The following FAR1 variants were observed in gnomAD, a reference collection of about 807,000 sequenced individuals.
The protein encoded by FAR1 is fatty acyl-CoA reductase 1.
A neutral mutation model predicts 61.1 loss-of-function variants in FAR1; 22 were observed. The observed-to-expected ratio is 0.36, with a 90% CI of 0.26 to 0.51. The LOEUF is 0.51. Among genes scored for constraint, FAR1 ranks in the 20% least tolerant of loss-of-function variants. The pLI, the probability that FAR1 is intolerant of heterozygous loss-of-function variation, is 0.95. For missense variants in FAR1, 359 were observed against 626.9 expected (o/e 0.57, Z 4.56); for synonymous variants, 206 against 209.7 (o/e 0.98, Z 0.15).
intron 11 of FAR1, among the ~76,000 whole-genome samples, 185 bp from the exon 12 acceptor site, chr11:13,728,427 G>T (rs759659949): frequency 2.6e-5 from 4 of 151,846 alleles, no homozygotes; most frequent in African/African-American, 7.2e-5. Flanking sequence ...TTTTAGATTA[G>T]ATGGGAAGCT....
intron 2 of FAR1, among the ~76,000 whole-genome samples, chr11:13,695,297 C>T (rs1488312103): frequency 6.6e-6 from 1 of 152,050 alleles, no homozygotes; most frequent in Non-Finnish European, 1.5e-5. Context: ...GGTAGTGAGA[C>T]TACCTACTAT....
chr11:13,693,402 T>C (rs1473939692), intron 1 of FAR1, among the ~76,000 whole-genome samples: 1 of 152,212 alleles, frequency 6.6e-6, no homozygotes, highest in Non-Finnish European at 1.5e-5. Context: ...CACTGCCTCC[T>C]CCACCTTCGT....
Position 13,726,245 on chromosome 11 carries a change from C to T in FAR1, c.1258-1311C>T, listed in dbSNP as rs555297761. Among the ~76,000 whole-genome samples the T allele has an allele frequency of 1.6e-3, 242 of 152,088 alleles. 1 individual carries two copies. The highest frequency in any genetic ancestry group is 4.4e-3 in the African/African-American group (182 of 41,528). On this transcript the variant is annotated intron_variant, in intron 10 of 11. Coordinates refer to ENST00000354817, the MANE Select transcript of FAR1 (RefSeq NM_032228.6). ...GCAGCTTATGCAATAAATATTCATA[C>T]AGATTTACCAGCGTAACTGTCCTTT...
At chr11:13,676,642 C>T (rs1477395481) in intron 1 of FAR1, among the ~76,000 whole-genome samples, 2 of 152,048 alleles carry the variant, frequency 1.3e-5, no homozygotes, top group Non-Finnish European at 2.9e-5. Flanking sequence ...GTTTTAAAAA[C>T]TTGTGGATTG....
intron 1 of FAR1, among the ~76,000 whole-genome samples, chr11:13,682,104 C>A (rs1848133790): frequency 6.6e-6 from 1 of 152,128 alleles, no homozygotes; most frequent in Admixed American, 6.5e-5. Context: ...GGCTATAGGT[C>A]ATGTCATCCT....
rs1449823909 is a variant in FAR1, at chr11:13,711,023, T to C, written c.723+153T>C. The C allele has an allele frequency of 6.5e-6, 4 of 611,838 alleles. No homozygotes were observed. The African/African-American group carries it at 7.7e-5, about 12-fold the overall frequency. 37.9% of individuals were successfully genotyped at this position (611,838 alleles called of 1,614,324 possible). ...TGTTTTGTGTTCATAGAGTTAATTT[T>C]ATTGGTACTTTCATTTCTATAATGT... On this transcript the variant is annotated intron_variant, in intron 5 of 11. Coordinates refer to ENST00000354817, the MANE Select transcript of FAR1 (RefSeq NM_032228.6).
rs1388967389 is a variant in FAR1 at position 13,712,139 on chromosome 11, G to T, written c.887+93G>T. On this transcript the variant is annotated intron_variant, in intron 7 of 11. Coordinates refer to ENST00000354817, the MANE Select transcript of FAR1 (RefSeq NM_032228.6). Reference sequence around the variant, plus strand: ...TAATGTTAATTAATCCCTCTATCCAGATATTGCCATACCAATATTTAGGCT... The same window carrying T: ...TAATGTTAATTAATCCCTCTATCCATATATTGCCATACCAATATTTAGGCT... The T allele has an allele frequency of 1.1e-4, 95 of 885,856 alleles. No homozygotes were observed. In the East Asian group the frequency reaches 2.3e-3, roughly 22 times the overall value. 54.9% of individuals were successfully genotyped at this position (885,856 alleles called of 1,614,324 possible).
chr11:13,705,344 G>GAT (rs1215387011), intron 3 of FAR1, among the ~76,000 whole-genome samples: 2 of 152,048 alleles, frequency 1.3e-5, no homozygotes, highest in African/African-American at 4.8e-5. Flanking sequence ...CTGGCAGAGA[G>GAT]ATACTAGATG....
intron 1 of FAR1, among the ~76,000 whole-genome samples, chr11:13,692,249 C>T (rs1216657645): frequency 6.6e-6 from 1 of 152,080 alleles, no homozygotes; most frequent in African/African-American, 2.4e-5. Flanking sequence ...GATGTTCAAC[C>T]AGTAAGCATA....
intron 3 of FAR1, among the ~76,000 whole-genome samples, chr11:13,703,901 G>A (rs189367710): frequency 2.6e-4 from 40 of 152,014 alleles, no homozygotes; most frequent in African/African-American, 8.2e-4. Context: ...AAAATGAGCC[G>A]GGCATGGTGG....
At chr11:13,710,928 T>G (rs1236736449) in intron 5 of FAR1, 58 bp downstream of exon 5, 18 of 1,469,020 alleles carry the variant, frequency 1.2e-5, no homozygotes, top group Non-Finnish European at 1.7e-5. Flanking sequence ...GTTGTAACTC[T>G]GTATAAAAAG....
At chr11:13,690,861 T>C (rs748160017) in intron 1 of FAR1, among the ~76,000 whole-genome samples, 10 of 152,226 alleles carry the variant, frequency 6.6e-5, no homozygotes, top group Non-Finnish European at 1.5e-4. Flanking sequence ...TCTCCACTTA[T>C]TTAGGTGTTG....
At chr11:13,722,121 G>T (rs1173570708) in intron 10 of FAR1, among the ~76,000 whole-genome samples, 1 of 152,020 alleles carries the variant, frequency 6.6e-6, no homozygotes. Flanking sequence ...CTTAATGTTG[G>T]TTTCAGAGAG....
intron 4 of FAR1, among the ~76,000 whole-genome samples, chr11:13,708,472 CACACATACAT>C (rs57154496): frequency 0.074 from 10,978 of 148,632 alleles, 478 homozygotes; most frequent in Middle Eastern, 0.11. Flanking sequence ...CACACACACA[CACACATACAT>C]TTATCTCTTT....
At chr11:13,698,516 T>C (rs945085515) in intron 2 of FAR1, among the ~76,000 whole-genome samples, 2 of 152,166 alleles carry the variant, frequency 1.3e-5, no homozygotes, top group Non-Finnish European at 2.9e-5. Context: ...TGAACATGCT[T>C]GTATCACCTC....
intron 1 of FAR1, 81 bp downstream of exon 1, chr11:13,668,887 G>C (rs532355766): frequency 1.3e-5 from 2 of 152,766 alleles, no homozygotes; most frequent in African/African-American, 4.8e-5. Flanking sequence ...GCGGGAGCTC[G>C]GGCTGCAGGC....
At chr11:13,670,918 A>G (rs1168726731) in intron 1 of FAR1, among the ~76,000 whole-genome samples, 1 of 152,196 alleles carries the variant, frequency 6.6e-6, no homozygotes, top group Admixed American at 6.5e-5. Flanking sequence ...CTGTTTGAGG[A>G]TAGGACAAAA....
chr11:13,677,177 T>C (rs1179525854), intron 1 of FAR1, among the ~76,000 whole-genome samples: 1 of 152,208 alleles, frequency 6.6e-6, no homozygotes, highest in Middle Eastern at 3.2e-3. Context: ...CCCTGAAATG[T>C]TATACCATAA....
chr11:13,705,966 A>G (rs907954480), intron 3 of FAR1, among the ~76,000 whole-genome samples: 1 of 152,218 alleles, frequency 6.6e-6, no homozygotes, highest in African/African-American at 2.4e-5. Context: ...TTCACTTTAC[A>G]GTGAAGTAGA....
Sources: allele counts gnomAD v4.1 joint callset (sites outside exome capture counted in the v4.1 genomes callset), GRCh38; gene constraint gnomAD v4.1.1; transcripts MANE v1.5; gene names NCBI Gene and HGNC (gene_info 2026-07-23, HGNC 2026-07-21).